The following UBR1 variants were observed in gnomAD, a reference collection of about 807,000 sequenced individuals.
UBR1 encodes E3 ubiquitin-protein ligase UBR1.
A neutral mutation model predicts 242.1 loss-of-function variants in UBR1; 102 were observed. The observed-to-expected ratio is 0.42, with a 90% confidence interval of 0.36 to 0.50. The LOEUF (loss-of-function observed/expected upper bound fraction) is 0.50, where lower values mean the gene tolerates loss of function less well. Ranked by LOEUF, UBR1 falls within the 20% of genes least tolerant of loss-of-function variation. The probability of loss-of-function intolerance (pLI) is 0.01; values close to 1 mark genes in which losing one functional copy is unlikely to be tolerated. For missense variants in UBR1, 1,772 were observed against 2,101.8 expected (o/e 0.84, Z 3.07); for synonymous variants, 675 against 684.8 (o/e 0.99, Z 0.22).
chr15:43,097,605 T>C (rs114703422), intron 1 of UBR1, among the ~76,000 whole-genome samples: 299 of 152,374 alleles, frequency 2.0e-3, no homozygotes, highest in African/African-American at 7.0e-3. Context: ...ACTTGCTGCA[T>C]CTTCTCCATC....
intron 40 of UBR1, among the ~76,000 whole-genome samples, chr15:42,967,615 T>G (rs77496195): frequency 0.023 from 3,558 of 152,136 alleles, 132 homozygotes; most frequent in African/African-American, 0.08. Context: ...AACTATGAAC[T>G]TGAGTTAATC....
chr15:43,049,706 GA>G (rs1290190214), intron 12 of UBR1, among the ~76,000 whole-genome samples: 1 of 152,060 alleles, frequency 6.6e-6, no homozygotes, highest in Non-Finnish European at 1.5e-5. Flanking sequence ...AATCATCAAA[GA>G]AACTTATAAA....
chr15:43,032,063 A>T (rs2033264838), intron 20 of UBR1, among the ~76,000 whole-genome samples: 2 of 152,100 alleles, frequency 1.3e-5, no homozygotes, highest in Admixed American at 1.3e-4. Flanking sequence ...AAACAGAACA[A>T]GATGATGGCA....
chr15:43,097,422 C>A (rs2141370337), intron 1 of UBR1, among the ~76,000 whole-genome samples: 1 of 152,334 alleles, frequency 6.6e-6, no homozygotes, highest in South Asian at 2.1e-4. Flanking sequence ...TTACCAGCTG[C>A]ATTAGCCGCT....
intron 1 of UBR1, among the ~76,000 whole-genome samples, chr15:43,087,146 C>T (rs1230523474): frequency 6.6e-6 from 1 of 152,182 alleles, no homozygotes; most frequent in Non-Finnish European, 1.5e-5. Flanking sequence ...TGGCTCACAC[C>T]TGTAATCCCA....
intron 14 of UBR1, among the ~76,000 whole-genome samples, chr15:43,044,433 TAAGG>T (rs1456099314): frequency 9.2e-5 from 14 of 152,148 alleles, no homozygotes; most frequent in Admixed American, 6.5e-4. Flanking sequence ...ATATTTGAGA[TAAGG>T]AAGAATCAAA....
chr15:43,093,401 A>G (rs907998338), intron 1 of UBR1, among the ~76,000 whole-genome samples: 1 of 152,172 alleles, frequency 6.6e-6, no homozygotes, highest in African/African-American at 2.4e-5. Flanking sequence ...CACAGCCACT[A>G]TGGATTAGTA....
intron 12 of UBR1, among the ~76,000 whole-genome samples, chr15:43,052,142 T>C (rs891871330): frequency 1.3e-5 from 2 of 152,222 alleles, no homozygotes; most frequent in African/African-American, 4.8e-5. Context: ...GTTGGAGTAC[T>C]GTGTTCATTT....
intron 24 of UBR1, 140 bp from the exon 25 acceptor site, chr15:43,025,123 T>G: frequency 9.2e-7 from 1 of 1,090,274 alleles, no homozygotes; most frequent in South Asian, 1.6e-5. Flanking sequence ...ACCTTTCCAG[T>G]ACTGAAAATA....
intron 33 of UBR1, among the ~76,000 whole-genome samples, chr15:42,992,861 C>T (rs376080167): frequency 2.0e-5 from 3 of 152,156 alleles, no homozygotes; most frequent in Non-Finnish European, 4.4e-5. Context: ...CGTGAAGCCA[C>T]GAGGCAAAGA....
chr15:43,062,858 T>G (rs942691393), intron 6 of UBR1, among the ~76,000 whole-genome samples: 4 of 151,896 alleles, frequency 2.6e-5, no homozygotes, highest in African/African-American at 9.7e-5. Flanking sequence ...TTCCCCATAC[T>G]CCCAATTCTG....
chr15:43,096,486 C>T (rs1791172770), intron 1 of UBR1, among the ~76,000 whole-genome samples: 1 of 152,052 alleles, frequency 6.6e-6, no homozygotes, highest in African/African-American at 2.4e-5. Flanking sequence ...AATAAGACAA[C>T]CATGAAGTCT....
At chr15:43,065,729 T>C (rs186922004) in intron 6 of UBR1, among the ~76,000 whole-genome samples, 36 of 152,330 alleles carry the variant, frequency 2.4e-4, no homozygotes, top group African/African-American at 8.7e-4. Context: ...ATCAATGATG[T>C]TGAGCTTTTT....
At chr15:43,091,906 CAAAAAAAA>C (rs58586323) in intron 1 of UBR1, 244 of 180,102 alleles carry the variant, frequency 1.4e-3, no homozygotes, top group Middle Eastern at 7.8e-3. Flanking sequence ...TACACCATCT[CAAAAAAAA>C]AAAAAAAAAA....
At chr15:43,074,913 T>C (rs2033869160) in intron 4 of UBR1, 66 bp downstream of exon 4, 1 of 1,298,772 alleles carries the variant, frequency 7.7e-7, no homozygotes. Flanking sequence ...ACACATAACA[T>C]TTATTCTTAT....
chr15:43,055,281 C>T (rs1596121882), intron 11 of UBR1, among the ~76,000 whole-genome samples: 2 of 152,128 alleles, frequency 1.3e-5, no homozygotes, highest in East Asian at 3.9e-4. Flanking sequence ...CCCATCTCCA[C>T]AAAAAATACA....
chr15:42,952,400 A>C lies in UBR1; in HGVS notation c.4884T>G (p.Leu1628=), dbSNP rs1240674395. The change falls in exon 45 of 47, where the codon CTT becomes CTG. Residue 1628 remains leucine, a synonymous_variant. Coordinates refer to ENST00000290650, the MANE Select transcript of UBR1 (RefSeq NM_174916.3). ...DDERKHPVLC[L]FCGAILCSQN... ...GAGAACATAGTATAGCCCCACAGAAAAGGCAGAGGACAGGATGCTTTCGCT... is the reference window on the plus strand; with the variant it reads ...GAGAACATAGTATAGCCCCACAGAACAGGCAGAGGACAGGATGCTTTCGCT... 1 of 1,614,144 alleles carries C rather than the reference A, an allele frequency of 6.2e-7. No individual in the cohort carries two copies. Among genetic ancestry groups the C allele is most frequent in the Middle Eastern group, 1.6e-4 (1 of 6,084 alleles).
chr15:42,972,646 C>T (rs1224781658), intron 39 of UBR1, among the ~76,000 whole-genome samples: 2 of 152,206 alleles, frequency 1.3e-5, no homozygotes, highest in African/African-American at 4.8e-5. Context: ...GCTGAGATTA[C>T]AGGTGTGAGT....
chr15:42,992,237 G>A (rs1041773477), intron 33 of UBR1, among the ~76,000 whole-genome samples: 8 of 152,060 alleles, frequency 5.3e-5, no homozygotes, highest in African/African-American at 1.9e-4. Flanking sequence ...AAAACTCTTC[G>A]ATAAGTTTAA....
Sources: gnomAD v4.1 joint callset for allele counts (sites outside exome capture counted in the v4.1 genomes callset) on GRCh38, gnomAD v4.1.1 for gene constraint, MANE v1.5 for transcripts, NCBI Gene and HGNC (gene_info 2026-07-23, HGNC 2026-07-21) for gene names.